Variants in AGFG2 observed in about 807,000 individuals in gnomAD.
AGFG2 encodes arf-GAP domain and FG repeat-containing protein 2.
AGFG2 carries 31 observed loss-of-function variants against 48.0 expected under a neutral mutation model. That is an observed-to-expected ratio of 0.65 (90% CI 0.49 to 0.87). The LOEUF is 0.87. Ranked by LOEUF, AGFG2 falls within the 40% of genes least tolerant of loss-of-function variation. The pLI, the probability that AGFG2 is intolerant of heterozygous loss-of-function variation, is 0.00. For missense variants in AGFG2, 599 were observed against 632.6 expected, an observed-to-expected ratio of 0.95 and a Z score of 0.57; for synonymous variants, 229 against 260.8, an observed-to-expected ratio of 0.88 and a Z score of 1.18.
chr7:100,563,688 C>A, intron 9 of AGFG2, 146 bp from the exon 10 acceptor site: 1 of 1,212,884 alleles, frequency 8.2e-7, no homozygotes, highest in Non-Finnish European at 1.1e-6. Flanking sequence ...GTGTGAGAAG[C>A]AGAAGAGTTC....
At chr7:100,553,326 C>T (rs778623234) in intron 3 of AGFG2, 21 bp from the exon 4 acceptor site, 2 of 1,614,042 alleles carry the variant, frequency 1.2e-6, no homozygotes, top group Non-Finnish European at 1.7e-6. Flanking sequence ...CTCTTTACAG[C>T]CTAACTATTC....
chr7:100,561,020 C>T lies in AGFG2; in HGVS notation c.878-1239C>T, dbSNP rs1268070534. On this transcript the variant is annotated intron_variant, in intron 6 of 11. Coordinates refer to ENST00000300176, the MANE Select transcript of AGFG2 (RefSeq NM_006076.5). ...ATTTTTAGTAGAGACGGGGTTTCACCGTGTCAGCCAGGTTGGTCTTGATCT... is the reference window on the plus strand; with the variant it reads ...ATTTTTAGTAGAGACGGGGTTTCACTGTGTCAGCCAGGTTGGTCTTGATCT... 3.4e-5 allele frequency among the ~76,000 whole-genome samples: 5 copies of T among 147,956 alleles called. No homozygotes were observed. The East Asian group carries it at 6.0e-4, about 18-fold the overall frequency.
intron 1 of AGFG2, among the ~76,000 whole-genome samples, chr7:100,540,392 C>G (rs1800400366): frequency 6.6e-6 from 1 of 152,136 alleles, no homozygotes; most frequent in Non-Finnish European, 1.5e-5. Context: ...ATGACTGGAT[C>G]CTGGTGGTAG....
rs376112925 is a variant in AGFG2 at position 100,562,391 on chromosome 7, C to G, written c.998+12C>G. 2.2e-5 allele frequency: 36 copies of G among 1,613,192 alleles called. No individual in the cohort carries two copies. In the South Asian group the frequency reaches 3.7e-4, roughly 17 times the overall value. ...GGTGTTCCTAGCAGGTAGGTACAGACAGTGGGCAGTCTGCTGTAGGGCAGG... is the reference window on the plus strand; with the variant it reads ...GGTGTTCCTAGCAGGTAGGTACAGAGAGTGGGCAGTCTGCTGTAGGGCAGG... On this transcript the variant is annotated intron_variant, in intron 7 of 11. Transcript: ENST00000300176. This position sits in a 1 kb window ranked among gnomAD's most constrained non-coding sequence, Gnocchi z 5.4.
intron 1 of AGFG2, among the ~76,000 whole-genome samples, chr7:100,542,554 TA>T (rs1800441390): frequency 6.6e-6 from 1 of 152,318 alleles, no homozygotes; most frequent in East Asian, 1.9e-4. Flanking sequence ...AGTTTCCCTA[TA>T]ATTAGCATGA....
At chr7:100,564,049 C>A in intron 10 of AGFG2, 87 bp downstream of exon 10, 1 of 1,572,760 alleles carries the variant, frequency 6.4e-7, no homozygotes, top group African/African-American at 1.3e-5. Flanking sequence ...TCATCAGAGC[C>A]CATGCAGTGC....
At chr7:100,563,534 G>A (rs1033087375) in intron 9 of AGFG2, among the ~76,000 whole-genome samples, 1 of 152,198 alleles carries the variant, frequency 6.6e-6, no homozygotes, top group Non-Finnish European at 1.5e-5. Context: ...GATGAGAACT[G>A]AAGCACAGAC....
At chr7:100,552,485 A>G (rs1490087501) in intron 3 of AGFG2, among the ~76,000 whole-genome samples, 1 of 152,184 alleles carries the variant, frequency 6.6e-6, no homozygotes, top group Non-Finnish European at 1.5e-5. Context: ...GGACAACTAT[A>G]TTTTGTCTTC....
At position 100,539,262 on chromosome 7, in the gene AGFG2, GGGCGTGCGGAGGC is replaced by G; in HGVS notation, c.-81_-69del. The G allele has an allele frequency of 8.1e-7, 1 of 1,238,818 alleles. No individual in the cohort carries two copies. Among genetic ancestry groups the G allele is most frequent in the Non-Finnish European group, 1.0e-6 (1 of 979,234 alleles). The allele number at this position is 1,238,818 out of a possible 1,614,324, so 76.7% of individuals were successfully genotyped here. ...CTCCCGAGCTTCTGTCAGGGGAGCC[GGGCGTGCGGAGGC>G]GGCTGAGGAGGCGGGAAGGCGGCAG... On this transcript the variant is annotated 5_prime_UTR_variant, in exon 1 of 12. An upstream open reading frame in the 5' UTR gains an earlier in-frame stop. Transcript: ENST00000300176.
chr7:100,539,602 T>TG, intron 1 of AGFG2, 35 bp downstream of exon 1: 2 of 142,872 alleles, frequency 1.4e-5, no homozygotes, highest in Non-Finnish European at 1.8e-5. Flanking sequence ...GAGGTCGGCG[T>TG]GGGGGGACCC....
chr7:100,553,286 C>T, intron 3 of AGFG2, 61 bp from the exon 4 acceptor site: 1 of 1,587,616 alleles, frequency 6.3e-7, no homozygotes, highest in Non-Finnish European at 8.6e-7. Flanking sequence ...CCAAACATCT[C>T]AGCTGAGCGT....
intron 6 of AGFG2, among the ~76,000 whole-genome samples, chr7:100,561,828 G>A (rs2131123480): frequency 6.6e-6 from 1 of 152,336 alleles, no homozygotes. Flanking sequence ...TCCTGAGTGT[G>A]ATGGGACTTG....
At chr7:100,548,940 GAGA>G (rs1370267861) in intron 2 of AGFG2, 25 bp downstream of exon 2, 5 of 1,590,504 alleles carry the variant, frequency 3.1e-6, no homozygotes, top group Non-Finnish European at 4.3e-6. Flanking sequence ...ATGGAGTGGT[GAGA>G]AGGTCACCTA....
chr7:100,550,763 G>T (rs1375002096), intron 3 of AGFG2, among the ~76,000 whole-genome samples: 1 of 151,964 alleles, frequency 6.6e-6, no homozygotes, highest in Non-Finnish European at 1.5e-5. Flanking sequence ...AGGTAGGCCT[G>T]TGGGTGTTCA....
Position 100,562,752 on chromosome 7 carries a change from G to T in AGFG2, c.1087+70G>T. On this transcript the variant is annotated intron_variant, in intron 8 of 11. Coordinates refer to ENST00000300176, the MANE Select transcript of AGFG2 (RefSeq NM_006076.5). This position sits in a 1 kb window ranked among gnomAD's most constrained non-coding sequence, Gnocchi z 5.4. ...GGAGGAGTCTAAGGACTCTGGACAG[G>T]GTGGGAAGGGGAGAGATTGAGAGGA... The T allele has an allele frequency of 1.3e-6, 2 of 1,591,044 alleles. No individual in the cohort carries two copies. The highest frequency in any genetic ancestry group is 1.7e-6 in the Non-Finnish European group (2 of 1,166,720).
intron 3 of AGFG2, among the ~76,000 whole-genome samples, chr7:100,551,371 A>AT (rs1375633951): frequency 6.8e-6 from 1 of 147,620 alleles, no homozygotes; most frequent in East Asian, 2.1e-4. Flanking sequence ...CCCGGCCTTA[A>AT]TTTTTATATT....
Position 100,563,981 on chromosome 7 carries a change from C to G in AGFG2, c.1300+19C>G, listed in dbSNP as rs771232837. The G allele has an allele frequency of 6.2e-7, 1 of 1,604,116 alleles. No homozygotes were observed. Among genetic ancestry groups the G allele is most frequent in the Admixed American group, 1.7e-5 (1 of 59,848 alleles). On this transcript the variant is annotated intron_variant, in intron 10 of 11. Transcript: ENST00000300176. ...CAGAATGGTAAGAGCTGTAGATGGA[C>G]AAACCCTTTCACCCCATCCCATCTC...
At chr7:100,559,539 G>A (rs187880141) in intron 6 of AGFG2, among the ~76,000 whole-genome samples, 3 of 152,200 alleles carry the variant, frequency 2.0e-5, no homozygotes, top group East Asian at 3.9e-4. Context: ...CATGAAGGCC[G>A]GGTGTGGTGG....
chr7:100,562,274 C>T lies in AGFG2; in HGVS notation c.893C>T (p.Thr298Ile), dbSNP rs139318752. ...AACTGCCCAGGGAGCAGCCAGGGGA[C>T]TCCATTTGGTGCCACTCCCCTGGCA... The part of the protein sequence containing the change: ...QPTPAGSSQG[T>I]PFGATPLAPA... Residue 298 changes from threonine (T) to isoleucine (I), a missense_variant, in exon 7 of 12, where the codon ACT becomes ATT. Thr to Ile is a moderately conservative substitution (Grantham distance 89). Coordinates refer to ENST00000300176, the MANE Select transcript of AGFG2 (RefSeq NM_006076.5). This position sits in a 1 kb window ranked among gnomAD's most constrained non-coding sequence, Gnocchi z 5.4. 3.0e-4 allele frequency: 491 copies of T among 1,613,928 alleles called. 3 individuals carry two copies. Among genetic ancestry groups the T allele is most frequent in the South Asian group, 1.5e-3 (139 of 91,074 alleles).
Sources: gnomAD v4.1 joint callset for allele counts (sites outside exome capture counted in the v4.1 genomes callset) on GRCh38, gnomAD v4.1.1 for gene constraint, Gnocchi (gnomAD v3.1) non-coding constraint, MANE v1.5 for transcripts, NCBI Gene and HGNC (gene_info 2026-07-23, HGNC 2026-07-21) for gene names.